Variants in MCF2L2 observed in about 807,000 individuals in gnomAD.
MCF2L2 encodes the protein MCF.2 cell line derived transforming sequence-like 2, also known as probable guanine nucleotide exchange factor MCF2L2.
MCF2L2 carries 102 observed loss-of-function variants against 150.2 expected under a neutral mutation model. The ratio of observed to expected loss-of-function variants is 0.68; its 90% CI spans 0.58 to 0.80. The LOEUF is 0.80. MCF2L2 is among the 30% of genes least tolerant of loss of function. MCF2L2 has a pLI of 0.00. For synonymous variants in MCF2L2, 465 were observed against 491.3 expected (o/e 0.95, Z 0.71); for missense variants, 1,256 against 1,372.8 (o/e 0.91, Z 1.34).
At chr3:183,420,435 A>G (rs1455252500) in intron 1 of MCF2L2, among the ~76,000 whole-genome samples, 1 of 152,074 alleles carries the variant, frequency 6.6e-6, no homozygotes, top group Non-Finnish European at 1.5e-5. Flanking sequence ...CTCTGTCTCT[A>G]TAAAATACAA....
chr3:183,225,134 T>G (rs6443859), intron 18 of MCF2L2: 143,162 of 152,318 alleles, frequency 0.94, 67,407 homozygotes, highest in East Asian at 1. Context: ...TCCTTCCCTC[T>G]CAGCTTCAAT....
intron 1 of MCF2L2, among the ~76,000 whole-genome samples, chr3:183,393,016 C>A (rs1448440589): frequency 6.6e-6 from 1 of 152,154 alleles, no homozygotes; most frequent in Non-Finnish European, 1.5e-5. Context: ...CACTCTGAGT[C>A]TCAGTGTTCT....
At chr3:183,309,902 T>C in intron 9 of MCF2L2, 67 bp from the exon 10 acceptor site, 1 of 1,571,010 alleles carries the variant, frequency 6.4e-7, no homozygotes, top group Admixed American at 1.8e-5. Flanking sequence ...ATAGGTTTGT[T>C]ATGCTTCAAG....
chr3:183,179,696 G>A lies in MCF2L2; in HGVS notation c.3106-4C>T, dbSNP rs367642924. Reference sequence around the variant, plus strand: ...CCGACTGGAAAAGGCCCGCGAGCTGGAAGGGAGGGGACGGGTGCACCCTCA... The same window carrying A: ...CCGACTGGAAAAGGCCCGCGAGCTGAAAGGGAGGGGACGGGTGCACCCTCA... On this transcript the variant is annotated splice_region_variant and splice_polypyrimidine_tract_variant and intron_variant, in intron 28 of 29. Coordinates refer to ENST00000328913, the MANE Select transcript of MCF2L2 (RefSeq NM_015078.4). This position sits in a 1 kb window ranked among gnomAD's most constrained non-coding sequence, Gnocchi z 4.2. The A allele has an allele frequency of 1.2e-6, 2 of 1,612,134 alleles. No individual in the cohort carries two copies. The highest frequency in any genetic ancestry group is 1.7e-6 in the Non-Finnish European group (2 of 1,178,362).
At chr3:183,206,076 A>G (rs1722459538) in intron 24 of MCF2L2, 46 bp downstream of exon 24, 2 of 1,580,380 alleles carry the variant, frequency 1.3e-6, no homozygotes, top group South Asian at 1.1e-5. Flanking sequence ...TGGGAACACA[A>G]TAAGGAAAGA....
intron 3 of MCF2L2, among the ~76,000 whole-genome samples, chr3:183,346,459 T>C (rs1730901291): frequency 6.6e-6 from 1 of 152,234 alleles, no homozygotes; most frequent in African/African-American, 2.4e-5. Context: ...AATATCATAC[T>C]GAATGGGCAA....
chr3:183,233,596 T>C (rs962928982), intron 15 of MCF2L2, among the ~76,000 whole-genome samples: 1 of 152,156 alleles, frequency 6.6e-6, no homozygotes, highest in Non-Finnish European at 1.5e-5. Context: ...AATGTGTATG[T>C]AGAAATATAC....
chr3:183,269,970 G>A, intron 15 of MCF2L2: 1 of 1,614,094 alleles, frequency 6.2e-7, no homozygotes, highest in Non-Finnish European at 8.5e-7. Flanking sequence ...CTATGACTTT[G>A]TGAATGATAC....
At chr3:183,423,633 T>G (rs137904865) in intron 1 of MCF2L2, among the ~76,000 whole-genome samples, 5 of 63,500 alleles carry the variant, frequency 7.9e-5, no homozygotes, top group African/African-American at 2.8e-4. Flanking sequence ...ATTTTATTTG[T>G]TTTTTTTTTT....
At chr3:183,425,646 T>C (rs1237256995) in intron 1 of MCF2L2, among the ~76,000 whole-genome samples, 2 of 152,156 alleles carry the variant, frequency 1.3e-5, no homozygotes, top group Non-Finnish European at 2.9e-5. Flanking sequence ...GCTACCTTCC[T>C]GCCCTGAGCC....
intron 11 of MCF2L2, chr3:183,299,795 G>A (rs1003480241): frequency 5.7e-6 from 3 of 529,410 alleles, no homozygotes; most frequent in Non-Finnish European, 9.8e-6. Context: ...TTAATGGGAT[G>A]TGGTGGGATG....
chr3:183,427,526 TTCGTTCC>T (rs1716229091), intron 1 of MCF2L2, among the ~76,000 whole-genome samples: 1 of 152,180 alleles, frequency 6.6e-6, no homozygotes. Context: ...AGCACTGGCA[TTCGTTCC>T]TCTTATGCCC....
intron 7 of MCF2L2, among the ~76,000 whole-genome samples, chr3:183,315,606 C>T (rs1159332937): frequency 1.3e-5 from 2 of 152,208 alleles, no homozygotes; most frequent in African/African-American, 4.8e-5. Flanking sequence ...GAAGTCTTAG[C>T]CTCCTTTGCT....
intron 14 of MCF2L2, among the ~76,000 whole-genome samples, chr3:183,278,057 C>T (rs1054127581): frequency 1.3e-5 from 2 of 151,124 alleles, no homozygotes. Flanking sequence ...TGGTGGCAGG[C>T]ACCTGTAATC....
chr3:183,343,794 A>G (rs1730795416), intron 3 of MCF2L2, among the ~76,000 whole-genome samples: 1 of 152,218 alleles, frequency 6.6e-6, no homozygotes, highest in African/African-American at 2.4e-5. Context: ...AACTAATCAA[A>G]GTAAAAATAA....
chr3:183,415,336 G>A (rs569819869), intron 1 of MCF2L2, among the ~76,000 whole-genome samples: 87 of 152,068 alleles, frequency 5.7e-4, no homozygotes, highest in Non-Finnish European at 9.7e-4. Flanking sequence ...ACAGGTGCCC[G>A]CCACCACACC....
chr3:183,290,676 G>GGC (rs1728088158), intron 13 of MCF2L2, among the ~76,000 whole-genome samples: 1 of 152,134 alleles, frequency 6.6e-6, no homozygotes, highest in South Asian at 2.1e-4. Flanking sequence ...TGGGACTACA[G>GGC]GCGCGCACCA....
At chr3:183,314,619 C>T (rs542809396) in intron 7 of MCF2L2, among the ~76,000 whole-genome samples, 1 of 151,858 alleles carries the variant, frequency 6.6e-6, no homozygotes, top group Admixed American at 6.6e-5. Context: ...CTAAGCTGTG[C>T]TAGTTGTTTA....
intron 3 of MCF2L2, among the ~76,000 whole-genome samples, chr3:183,345,817 TA>T (rs1470715541): frequency 6.6e-6 from 1 of 152,170 alleles, no homozygotes; most frequent in Non-Finnish European, 1.5e-5. Context: ...CTAGAAAATC[TA>T]GAAGAAACGG....
Sources: gnomAD v4.1 joint callset for allele counts (sites outside exome capture counted in the v4.1 genomes callset) on GRCh38, gnomAD v4.1.1 for gene constraint, Gnocchi (gnomAD v3.1) non-coding constraint, MANE v1.5 for transcripts, NCBI Gene and HGNC (gene_info 2026-07-23, HGNC 2026-07-21) for gene names.